ATP11C: variants seen among roughly 807,000 people sequenced by gnomAD.
ATP11C encodes ATPase phospholipid transporting 11C (ATP11C blood group).
ATP11C carries 36 observed loss-of-function variants against 97.4 expected under a neutral mutation model. The observed-to-expected ratio is 0.37, with a 90% CI of 0.28 to 0.49. The LOEUF is 0.49. ATP11C is among the 20% of genes least tolerant of loss of function. The probability of loss-of-function intolerance (pLI) is 0.98; values close to 1 mark genes in which losing one functional copy is unlikely to be tolerated. For missense variants in ATP11C, 730 were observed against 824.6 expected, an observed-to-expected ratio of 0.89 and a Z score of 1.40; for synonymous variants, 275 against 290.9, an observed-to-expected ratio of 0.95 and a Z score of 0.56.
chrX:139,763,543 T>C (rs925786490), intron 20 of ATP11C, 125 bp from the exon 21 acceptor site: 9 of 492,661 alleles, frequency 1.8e-5, no homozygotes, highest in East Asian at 3.7e-5. Flanking sequence ...AGGTAGTTTG[T>C]GCATATACAG....
chrX:139,789,824 G>A (rs767691018), intron 12 of ATP11C, among the ~76,000 whole-genome samples: 2 of 110,943 alleles, frequency 1.8e-5, no homozygotes, highest in South Asian at 7.8e-4. Context: ...GAGCTCAGGA[G>A]TTCAAGACCA....
At chrX:139,899,350 G>A (rs1224833870) in intron 1 of ATP11C, among the ~76,000 whole-genome samples, 1 of 109,981 alleles carries the variant, frequency 9.1e-6, no homozygotes, top group Non-Finnish European at 1.9e-5. Flanking sequence ...AGGCGTGGTG[G>A]CGGGAACCCC....
At chrX:139,808,302 G>A (rs902677619) in intron 5 of ATP11C, among the ~76,000 whole-genome samples, 1 of 111,309 alleles carries the variant, frequency 9.0e-6, no homozygotes, top group Non-Finnish European at 1.9e-5. Context: ...AGAATAGAGA[G>A]AATGAGTCTG....
intron 1 of ATP11C, among the ~76,000 whole-genome samples, chrX:139,883,981 A>C (rs1277331633): frequency 8.9e-6 from 1 of 112,186 alleles, no homozygotes; most frequent in East Asian, 2.8e-4. Context: ...CTAGAAGGAA[A>C]GCATACTGAT....
chrX:139,846,311 G>C (rs371281188), intron 1 of ATP11C, among the ~76,000 whole-genome samples: 3 of 111,787 alleles, frequency 2.7e-5, no homozygotes, highest in African/African-American at 9.7e-5. Context: ...AAGACTTTGT[G>C]GTATCAGTGG....
intron 6 of ATP11C, among the ~76,000 whole-genome samples, chrX:139,803,244 G>T (rs1246860985): frequency 8.9e-6 from 1 of 112,475 alleles, no homozygotes; most frequent in Admixed American, 9.4e-5. Flanking sequence ...TAGATTTCTT[G>T]ATTTATATCT....
chrX:139,826,240 G>C (rs1005317037), intron 2 of ATP11C, among the ~76,000 whole-genome samples: 4 of 110,553 alleles, frequency 3.6e-5, no homozygotes, highest in African/African-American at 9.9e-5. Flanking sequence ...ATTAATACTT[G>C]AGAAGTGGGA....
At chrX:139,822,085 C>CA (rs147297958) in intron 2 of ATP11C, among the ~76,000 whole-genome samples, 12,686 of 105,931 alleles carry the variant, frequency 0.12, 802 homozygotes, top group Middle Eastern at 0.21. Flanking sequence ...ACCTCTATGG[C>CA]AAAAAAAAAA....
At chrX:139,915,203 T>C (rs763275494) in intron 1 of ATP11C, among the ~76,000 whole-genome samples, 8 of 111,749 alleles carry the variant, frequency 7.2e-5, no homozygotes, top group South Asian at 3.7e-4. Context: ...CTTTGTGCAA[T>C]AAGGACTTAA....
chrX:139,740,536 T>C (rs769499019), intron 27 of ATP11C, among the ~76,000 whole-genome samples: 10 of 112,247 alleles, frequency 8.9e-5, no homozygotes, highest in Non-Finnish European at 1.5e-4. Context: ...TTAAGTTGTA[T>C]ATATCCTATA....
chrX:139,861,769 T>TAC (rs5904005), intron 1 of ATP11C, among the ~76,000 whole-genome samples: 13,074 of 101,149 alleles, frequency 0.13, 745 homozygotes, highest in Admixed American at 0.24. Context: ...AATCCTGTTA[T>TAC]ACACACACAC....
chrX:139,881,341 G>A (rs187738329), intron 1 of ATP11C, among the ~76,000 whole-genome samples: 1 of 111,557 alleles, frequency 9.0e-6, no homozygotes, highest in East Asian at 2.8e-4. Context: ...GTTCAACCCA[G>A]GCCACGAGAG....
chrX:139,860,099 C>T (rs1367037645), intron 1 of ATP11C, among the ~76,000 whole-genome samples: 6 of 57,498 alleles, frequency 1.0e-4, no homozygotes, highest in Non-Finnish European at 1.2e-4. Context: ...AGCGAGACTC[C>T]GTCTCAAAAA....
At chrX:139,778,439 G>A (rs6528650) in intron 18 of ATP11C, among the ~76,000 whole-genome samples, 20,327 of 110,990 alleles carry the variant, frequency 0.18, 3,101 homozygotes, top group African/African-American at 0.5. Context: ...CAACACTAAG[G>A]CAGGAACAAA....
upstream of ATP11C, among the ~76,000 whole-genome samples, chrX:139,933,721 A>G (rs1341715779): frequency 8.9e-6 from 1 of 112,354 alleles, no homozygotes; most frequent in Admixed American, 9.4e-5. Flanking sequence ...AGGCCTTCCC[A>G]AAGGTCGCGA....
chrX:139,860,938 T>G (rs2084179913), intron 1 of ATP11C, among the ~76,000 whole-genome samples: 1 of 112,498 alleles, frequency 8.9e-6, no homozygotes, highest in African/African-American at 3.2e-5. Context: ...TGAGGAAGGT[T>G]AATTCATGCC....
intron 2 of ATP11C, among the ~76,000 whole-genome samples, chrX:139,825,084 G>A (rs2083498535): frequency 9.0e-6 from 1 of 110,977 alleles, no homozygotes; most frequent in Admixed American, 9.6e-5. Flanking sequence ...TGAACTTGAG[G>A]AAATCAATAG....
intron 1 of ATP11C, among the ~76,000 whole-genome samples, chrX:139,870,980 C>T (rs1354484332): frequency 9.7e-6 from 1 of 102,993 alleles, no homozygotes; most frequent in Non-Finnish European, 2.0e-5. Context: ...GGCGTGAACC[C>T]GGGAAGCGGA....
Position 139,913,852 on chromosome X carries a change from A to T in ATP11C, c.27+18164T>A, listed in dbSNP as rs113827146. 9.8e-3 allele frequency among the ~76,000 whole-genome samples: 1,100 copies of T among 111,806 alleles called. 23 individuals are homozygous for T. The highest frequency in any genetic ancestry group is 0.034 in the African/African-American group (1,060 of 30,781). The stretch of plus-strand genomic sequence containing the variant: ...TTCACACGGACGCGAGTGAAACAGT[A>T]CTTCCTAAAATTTGTCAATGTTCCC... On this transcript the variant is annotated intron_variant, in intron 1 of 29. Transcript: ENST00000682941.
Sources: gnomAD v4.1 joint callset for allele counts (sites outside exome capture counted in the v4.1 genomes callset) on GRCh38, gnomAD v4.1.1 for gene constraint, MANE v1.5 for transcripts, NCBI Gene and HGNC (gene_info 2026-07-23, HGNC 2026-07-21) for gene names.